ENDOD1: variants seen among roughly 807,000 people sequenced by gnomAD.
The protein encoded by ENDOD1 is endonuclease domain-containing 1 protein.
Under a neutral mutation model 6.5 loss-of-function variants are expected in ENDOD1, and 9 were observed. The ratio of observed to expected loss-of-function variants is 1.39; its 90% CI spans 0.84 to 2.43. ENDOD1 has a LOEUF of 2.43. ENDOD1 is among the 30% of genes most tolerant of loss of function. The pLI, the probability that ENDOD1 is intolerant of heterozygous loss-of-function variation, is 0.00. For synonymous variants in ENDOD1, 255 were observed against 255.2 expected (o/e 1.00, Z 0.01); for missense variants, 648 against 635.5 (o/e 1.02, Z -0.21).
At position 95,089,988 on chromosome 11, in the gene ENDOD1, G is replaced by A. The variant is rs1858910215; in HGVS notation, c.61G>A (p.Gly21Ser). ...CTTCGCCCTGGCTGGGCTGCTGGAA[G>A]GCCGGCTCGTGGGCGAGGAGGAAGC... The part of the protein sequence containing the change: ...SLFALAGLLE[G>S]RLVGEEEAGF... Residue 21 changes from glycine (G) to serine (S), a missense_variant, in exon 1 of 2, where the codon GGC (glycine) becomes AGC (serine). Coordinates refer to ENST00000278505, the MANE Select transcript of ENDOD1 (RefSeq NM_015036.3). 2 of 1,555,480 alleles carry A rather than the reference G, an allele frequency of 1.3e-6. No homozygotes were observed. The highest frequency in any genetic ancestry group is 1.7e-6 in the Non-Finnish European group (2 of 1,152,032).
chr11:95,090,410 G>GC (rs57383229), intron 1 of ENDOD1, among the ~76,000 whole-genome samples, 183 bp downstream of exon 1: 152,263 of 152,268 alleles, frequency 1, 76,129 homozygotes, highest in Middle Eastern at 1. Flanking sequence ...AGCCTGCCTC[G>GC]CCCCTGTCGA....
intron 1 of ENDOD1, among the ~76,000 whole-genome samples, chr11:95,122,291 T>C (rs1859269042): frequency 6.6e-6 from 1 of 152,096 alleles, no homozygotes; most frequent in Non-Finnish European, 1.5e-5. Context: ...GGCATGATCT[T>C]GGCTACTGCA....
intron 1 of ENDOD1, among the ~76,000 whole-genome samples, chr11:95,099,903 A>T (rs782315522): frequency 2.6e-5 from 4 of 152,244 alleles, no homozygotes; most frequent in African/African-American, 4.8e-5. Flanking sequence ...ACCAGGATGC[A>T]TGGTTAAATA....
At chr11:95,104,164 T>C (rs1859067872) in intron 1 of ENDOD1, among the ~76,000 whole-genome samples, 1 of 152,214 alleles carries the variant, frequency 6.6e-6, no homozygotes, top group African/African-American at 2.4e-5. Context: ...AGACAACTTG[T>C]CCCAGGTGGG....
chr11:95,121,419 G>T (rs987619154), intron 1 of ENDOD1, among the ~76,000 whole-genome samples: 1 of 152,184 alleles, frequency 6.6e-6, no homozygotes, highest in African/African-American at 2.4e-5. Flanking sequence ...GCTCATAGAA[G>T]AGTGTTTGGC....
chr11:95,098,493 T>C (rs961106249), intron 1 of ENDOD1, among the ~76,000 whole-genome samples: 6 of 152,204 alleles, frequency 3.9e-5, no homozygotes, highest in Non-Finnish European at 2.9e-5. Flanking sequence ...TTATTACATA[T>C]TTATTGCACA....
At position 95,110,492 on chromosome 11, in the gene ENDOD1, A is replaced by G. The variant is rs571041253; in HGVS notation, c.301-17885A>G. ...GAGCCTACAGTCTGTAAAAAATACC[A>G]GAGGCAAATGCACAGGATCCCCCTC... On this transcript the variant is annotated intron_variant, in intron 1 of 1. Coordinates refer to ENST00000278505, the MANE Select transcript of ENDOD1 (RefSeq NM_015036.3). Among the ~76,000 whole-genome samples, 16 of 152,316 alleles carry G rather than the reference A, an allele frequency of 1.1e-4. No homozygotes were observed. In the South Asian group the frequency reaches 3.3e-3, roughly 32 times the overall value.
rs61997243 is a variant in ENDOD1, at chr11:95,129,463, G to C, written c.1387G>C (p.Val463Leu). 6.9e-4 allele frequency: 1,106 copies of C among 1,614,220 alleles called. 3 individuals carry two copies. In the African/African-American group the frequency reaches 0.013, roughly 19 times the overall value. Residue 463 changes from valine to leucine, a missense_variant, in exon 2 of 2, where the codon GTC becomes CTC. Physicochemically the swap from Val to Leu is conservative, Grantham distance 32. Coordinates refer to ENST00000278505, the MANE Select transcript of ENDOD1 (RefSeq NM_015036.3). ...CATTGCACTGGGCCTTGGTGGCACT[G>C]TCTCACTGCTCTTTGACACTGCTTT... Reference protein sequence around the residue: ...KDIALGLGGTVSLLFDTAFGT... With the variant: ...KDIALGLGGTLSLLFDTAFGT...
intron 1 of ENDOD1, among the ~76,000 whole-genome samples, chr11:95,094,133 T>TA (rs113809912): frequency 0.019 from 2,821 of 148,270 alleles, 70 homozygotes; most frequent in African/African-American, 0.065. Flanking sequence ...AATTATATAA[T>TA]TAATATATTA....
In ENDOD1 at chr11:95,115,382, G is replaced by GT. The variant is rs1555112398; in HGVS notation, c.301-12984dup. On this transcript the variant is annotated intron_variant, in intron 1 of 1. Transcript: ENST00000278505. ...TGAATTTGTTTATCCGTTCTACTAG[G>GT]TTTTTTTTTTTGTGTGTGTGTGGCG... Among the ~76,000 whole-genome samples, 756 of 133,422 alleles carry GT rather than the reference G, an allele frequency of 5.7e-3. 2 individuals are homozygous for GT. The highest frequency in any genetic ancestry group is 7.6e-3 in the Non-Finnish European group (487 of 63,746). 87.5% of individuals were successfully genotyped at this position (133,422 alleles called of 152,430 possible). A position where few individuals can be genotyped will look rare whatever the true frequency, so the allele number is the denominator to read the frequency against.
At chr11:95,097,120 A>G (rs1206273999) in intron 1 of ENDOD1, among the ~76,000 whole-genome samples, 3 of 145,230 alleles carry the variant, frequency 2.1e-5, no homozygotes, top group African/African-American at 7.7e-5. Flanking sequence ...ATGCCACTGC[A>G]CTCCAGTCTG....
Position 95,130,286 on chromosome 11 carries a change from C to T in ENDOD1, c.*707C>T, listed in dbSNP as rs1279142386. On this transcript the variant is annotated 3_prime_UTR_variant, in exon 2 of 2. Coordinates refer to ENST00000278505, the MANE Select transcript of ENDOD1 (RefSeq NM_015036.3). Reference sequence around the variant, plus strand: ...GGTAAGCATTTTATGCCAAATGTGGCATAACAGAGTTTGAATTGAAGGGCA... The same window carrying T: ...GGTAAGCATTTTATGCCAAATGTGGTATAACAGAGTTTGAATTGAAGGGCA... 3.3e-5 allele frequency: 5 copies of T among 150,840 alleles called. No homozygotes were observed. The highest frequency in any genetic ancestry group is 3.3e-4 in the Admixed American group (5 of 15,138). 9.3% of individuals were successfully genotyped at this position (150,840 alleles called of 1,614,324 possible). A position where few individuals can be genotyped will look rare whatever the true frequency, so the allele number is the denominator to read the frequency against.
At chr11:95,090,722 A>G (rs1858922707) in intron 1 of ENDOD1, among the ~76,000 whole-genome samples, 1 of 152,262 alleles carries the variant, frequency 6.6e-6, no homozygotes, top group Non-Finnish European at 1.5e-5. Flanking sequence ...GAAGAGACAT[A>G]TGGAAGACTA....
At chr11:95,114,331 A>G (rs900589259) in intron 1 of ENDOD1, among the ~76,000 whole-genome samples, 5 of 147,716 alleles carry the variant, frequency 3.4e-5, no homozygotes, top group Admixed American at 2.6e-4. Flanking sequence ...CTGATTGCCC[A>G]TTTTTAAATT....
At chr11:95,124,190 G>GA (rs903297500) in intron 1 of ENDOD1, among the ~76,000 whole-genome samples, 6 of 151,064 alleles carry the variant, frequency 4.0e-5, no homozygotes, top group Admixed American at 6.6e-5. Flanking sequence ...AGAGATGCTA[G>GA]AAAAAAAAAT....
At position 95,100,659 on chromosome 11, in the gene ENDOD1, A is replaced by AT. The variant is rs1196165369; in HGVS notation, c.300+10443dup. 4.1e-3 allele frequency among the ~76,000 whole-genome samples: 581 copies of AT among 142,196 alleles called. 3 individuals are homozygous for AT. The highest frequency in any genetic ancestry group is 0.012 in the African/African-American group (476 of 38,884). 93.3% of individuals were successfully genotyped at this position (142,196 alleles called of 152,430 possible). A position where few individuals can be genotyped will look rare whatever the true frequency, so the allele number is the denominator to read the frequency against. On this transcript the variant is annotated intron_variant, in intron 1 of 1. Coordinates refer to ENST00000278505, the MANE Select transcript of ENDOD1 (RefSeq NM_015036.3). ...CCACCACGTCTGGCTAATTTTATGT[A>AT]TTTTTTTTTTTGCTTTTTGTAGAGA...
In ENDOD1 at chr11:95,129,581, C is replaced by A. The variant is rs750509608; in HGVS notation, c.*2C>A. 4 of 1,603,964 alleles carry A rather than the reference C, an allele frequency of 2.5e-6. No homozygotes were observed. The highest frequency in any genetic ancestry group is 3.4e-6 in the Non-Finnish European group (4 of 1,175,124). ...TTTGACAATTCTGGGGAGTTATAAA[C>A]TCAAAAAACTAATAGTATCCAGTCA... On this transcript the variant is annotated 3_prime_UTR_variant, in exon 2 of 2. Transcript: ENST00000278505.
At chr11:95,128,099 G>A (rs1364497435) in intron 1 of ENDOD1, among the ~76,000 whole-genome samples, 1 of 152,236 alleles carries the variant, frequency 6.6e-6, no homozygotes, top group Non-Finnish European at 1.5e-5. Context: ...TCACGATGGT[G>A]GGTGTGAGTG....
chr11:95,091,580 C>T (rs1460300100), intron 1 of ENDOD1, among the ~76,000 whole-genome samples: 1 of 152,208 alleles, frequency 6.6e-6, no homozygotes, highest in Admixed American at 6.5e-5. Flanking sequence ...GATTGTGTGC[C>T]TGCGAAGAAA....
Sources: allele counts gnomAD v4.1 joint callset (sites outside exome capture counted in the v4.1 genomes callset), GRCh38; gene constraint gnomAD v4.1.1; transcripts MANE v1.5; gene names NCBI Gene and HGNC (gene_info 2026-07-23, HGNC 2026-07-21).